Variants in USP40 observed in about 807,000 individuals in gnomAD.
USP40 encodes ubiquitin specific peptidase 40, also known as ubiquitin carboxyl-terminal hydrolase 40.
USP40 carries 143 observed loss-of-function variants against 166.2 expected under a neutral mutation model. The ratio of observed to expected loss-of-function variants is 0.86; its 90% confidence interval spans 0.75 to 0.99. USP40 has a LOEUF of 0.99. USP40 is among the 50% of genes least tolerant of loss of function. USP40 has a pLI of 0.00. For missense variants in USP40, 1,444 were observed against 1,479.7 expected, an observed-to-expected ratio of 0.98 and a Z score of 0.40; for synonymous variants, 498 against 524.0, an observed-to-expected ratio of 0.95 and a Z score of 0.68.
At position 233,521,019 on chromosome 2, in the gene USP40, T is replaced by C; in HGVS notation, c.2297A>G (p.Gln766Arg). The C allele has an allele frequency of 6.2e-7, 1 of 1,613,500 alleles. No homozygotes were observed. Among genetic ancestry groups the C allele is most frequent in the Middle Eastern group, 1.7e-4 (1 of 6,010 alleles). The change falls in exon 17 of 32, where the codon CAA (glutamine) becomes CGA (arginine). Residue 766 changes from glutamine (Q) to arginine (R), a missense_variant. Coordinates refer to ENST00000678225, the MANE Select transcript of USP40 (RefSeq NM_001365479.2). ...GTTAACAGTTGCTGATATTTTAACT[T>C]GCTTCTCTTCAGATTCTAACTGGCA... Reference protein sequence around the residue: ...NLCQLESEEKQVKISATVNTM... With the variant: ...NLCQLESEEKRVKISATVNTM...
At chr2:233,517,285 A>G (rs1458762609) in intron 18 of USP40, among the ~76,000 whole-genome samples, 2 of 152,220 alleles carry the variant, frequency 1.3e-5, no homozygotes, top group African/African-American at 4.8e-5. Flanking sequence ...AAGAACTAAA[A>G]GTAGAACTAC....
chr2:233,524,498 C>A lies in USP40; in HGVS notation c.1875G>T (p.Gly625=). The part of the protein sequence containing the change: ...ADGEDIFVWN[G]VEVGGVHIQT... Reference sequence around the variant, plus strand: ...CTTCAGTAATTTTTTTTACCTCCACCCCATTCCACACAAAGATGTCTTCCC... The same window carrying A: ...CTTCAGTAATTTTTTTTACCTCCACACCATTCCACACAAAGATGTCTTCCC... Residue 625 remains glycine (G), a synonymous_variant, in exon 15 of 32, where the codon GGG becomes GGT. Transcript: ENST00000678225. The A allele has an allele frequency of 6.2e-7, 1 of 1,606,092 alleles. No homozygotes were observed. Among genetic ancestry groups the A allele is most frequent in the Non-Finnish European group, 8.5e-7 (1 of 1,176,846 alleles).
chr2:233,479,158 C>T (rs2064372373), intron 31 of USP40, among the ~76,000 whole-genome samples: 1 of 152,154 alleles, frequency 6.6e-6, no homozygotes. Context: ...AATGGAGCTC[C>T]CAGGGCCTGG....
At position 233,485,862 on chromosome 2, in the gene USP40, G is replaced by T; in HGVS notation, c.3313C>A (p.Gln1105Lys). Reference protein sequence around the residue: ...AQGGTAGSLRQRVADFYRLPV... With the variant: ...AQGGTAGSLRKRVADFYRLPV... ...AGACGATAGAAATCGGCAACTCTCT[G>T]CCTCAGGGAGCCGGCAGTCCCACCC... The change falls in exon 29 of 32, where the codon CAG becomes AAG. Residue 1105 changes from glutamine to lysine, a missense_variant. Transcript: ENST00000678225. 6.2e-7 allele frequency: 1 copy of T among 1,608,620 alleles called. No individual in the cohort carries two copies. Among genetic ancestry groups the T allele is most frequent in the Non-Finnish European group, 8.5e-7 (1 of 1,177,810 alleles).
chr2:233,505,467 CAAAT>C (rs1032625189), intron 21 of USP40, among the ~76,000 whole-genome samples: 7 of 152,040 alleles, frequency 4.6e-5, no homozygotes, highest in South Asian at 2.1e-4. Flanking sequence ...AGTGAAGACT[CAAAT>C]AAAGTCAGAG....
intron 10 of USP40, among the ~76,000 whole-genome samples, chr2:233,539,804 T>C (rs1252113133): frequency 6.6e-6 from 1 of 151,360 alleles, no homozygotes; most frequent in Admixed American, 6.6e-5. Flanking sequence ...ATCAGTGAAA[T>C]AGAAAATAGA....
At chr2:233,495,160 G>A (rs1335534982) in intron 24 of USP40, among the ~76,000 whole-genome samples, 1 of 151,070 alleles carries the variant, frequency 6.6e-6, no homozygotes, top group Admixed American at 6.6e-5. Flanking sequence ...GAATGAGATA[G>A]CTTCACAGCA....
intron 18 of USP40, among the ~76,000 whole-genome samples, chr2:233,519,102 G>A (rs761024253): frequency 6.6e-6 from 1 of 152,146 alleles, no homozygotes; most frequent in Non-Finnish European, 1.5e-5. Context: ...GGTTGCCAGG[G>A]GCTTGGAATA....
In USP40 at chr2:233,493,692, T is replaced by C. The variant is rs2065492432; in HGVS notation, c.2791-141A>G. 6 of 1,081,106 alleles carry C rather than the reference T, an allele frequency of 5.5e-6. No individual in the cohort carries two copies. Among genetic ancestry groups the C allele is most frequent in the Non-Finnish European group, 7.6e-6 (6 of 790,276 alleles). The allele number at this position is 1,081,106 out of a possible 1,614,324, so 67.0% of individuals were successfully genotyped here. A position where few individuals can be genotyped will look rare whatever the true frequency, so the allele number is the denominator to read the frequency against. ...TTCCTTTTAGATTTATTAACTGTCA[T>C]AAATTATACTTGTTTTTACAATCAA... On this transcript the variant is annotated intron_variant, in intron 24 of 31. Coordinates refer to ENST00000678225, the MANE Select transcript of USP40 (RefSeq NM_001365479.2). The surrounding 1 kb of genome is among the most constrained non-coding windows in gnomAD (Gnocchi z 4.7).
In USP40 at chr2:233,480,528, C is replaced by T. The variant is rs2064506786; in HGVS notation, c.3599+675G>A. Among the ~76,000 whole-genome samples the T allele has an allele frequency of 6.6e-6, 1 of 152,264 alleles. No homozygotes were observed. Among genetic ancestry groups the T allele is most frequent in the Non-Finnish European group, 1.5e-5 (1 of 68,054 alleles). ...GGCCTGGAGGCCTGAAGACAGCCGG[C>T]TGGGCACAGAGCCTGTGGCTTGGCC... On this transcript the variant is annotated intron_variant, in intron 31 of 31. Coordinates refer to ENST00000678225, the MANE Select transcript of USP40 (RefSeq NM_001365479.2). This position sits in a 1 kb window ranked among gnomAD's most constrained non-coding sequence, Gnocchi z 4.5.
At position 233,527,630 on chromosome 2, in the gene USP40, G is replaced by T. The variant is rs978059112; in HGVS notation, c.1554-52C>A. ...ATACTGTGTTTTTATAACAGACACT[G>T]TGTTTTATCTCAAACCAAAGATATC... On this transcript the variant is annotated intron_variant, in intron 12 of 31. Coordinates refer to ENST00000678225, the MANE Select transcript of USP40 (RefSeq NM_001365479.2). The T allele has an allele frequency of 4.2e-6, 6 of 1,437,614 alleles. No individual in the cohort carries two copies. The African/African-American group carries it at 8.6e-5, about 21-fold the overall frequency. 89.1% of individuals were successfully genotyped at this position (1,437,614 alleles called of 1,614,324 possible). A position where few individuals can be genotyped will look rare whatever the true frequency, so the allele number is the denominator to read the frequency against.
At chr2:233,519,145 G>T (rs1004389777) in intron 18 of USP40, among the ~76,000 whole-genome samples, 1 of 152,192 alleles carries the variant, frequency 6.6e-6, no homozygotes, top group Admixed American at 6.5e-5. Context: ...TGGAGTAATG[G>T]AAGTATTCTA....
intron 25 of USP40, among the ~76,000 whole-genome samples, chr2:233,492,114 T>C (rs188207951): frequency 1.3e-5 from 2 of 152,270 alleles, no homozygotes; most frequent in African/African-American, 4.8e-5. Flanking sequence ...ACATGTGATG[T>C]GATCCTATAA....
chr2:233,489,751 T>C (rs1349879583), intron 26 of USP40: 2 of 339,014 alleles, frequency 5.9e-6, no homozygotes, highest in Non-Finnish European at 1.1e-5. Flanking sequence ...AAGCTTCTTT[T>C]TAATCATCAT....
intron 4 of USP40, among the ~76,000 whole-genome samples, chr2:233,558,901 T>C (rs2071334323): frequency 1.3e-5 from 2 of 152,236 alleles, no homozygotes. Flanking sequence ...TGCTTGAAAG[T>C]CCATGCCTTA....
rs529817751 is a variant in USP40, at chr2:233,477,624, G to A, written c.3600-121C>T. On this transcript the variant is annotated intron_variant, in intron 31 of 31. Coordinates refer to ENST00000678225, the MANE Select transcript of USP40 (RefSeq NM_001365479.2). The stretch of plus-strand genomic sequence containing the variant: ...GCCACAAGGACGTGCATTTGCAATT[G>A]CACAGACAGATCTCAGCCACCTGCC... 5 of 844,174 alleles carry A rather than the reference G, an allele frequency of 5.9e-6. 1 individual carries two copies. The highest frequency in any genetic ancestry group is 3.4e-5 in the African/African-American group (2 of 59,286). 52.3% of individuals were successfully genotyped at this position (844,174 alleles called of 1,614,324 possible). A position where few individuals can be genotyped will look rare whatever the true frequency, so the allele number is the denominator to read the frequency against.
chr2:233,524,539 T>C lies in USP40; in HGVS notation c.1834A>G (p.Thr612Ala). The part of the protein sequence containing the change: ...LGGDELTLCE[T>A]EIADGEDIFV... ...ATGTCTTCCCCATCAGCAATTTCAG[T>C]TTCACACAGTGTCAGTTCATCCCCT... Residue 612 changes from threonine (T) to alanine (A), a missense_variant, in exon 15 of 32, where the codon ACT (threonine) becomes GCT (alanine). By Grantham distance (58) the Thr-to-Ala change is moderately conservative (BLOSUM62 0). Coordinates refer to ENST00000678225, the MANE Select transcript of USP40 (RefSeq NM_001365479.2). The C allele has an allele frequency of 6.2e-7, 1 of 1,606,168 alleles. No homozygotes were observed. The highest frequency in any genetic ancestry group is 8.5e-7 in the Non-Finnish European group (1 of 1,176,900).
chr2:233,479,441 T>C (rs1255568880), intron 31 of USP40, among the ~76,000 whole-genome samples: 2 of 151,948 alleles, frequency 1.3e-5, no homozygotes, highest in Admixed American at 1.3e-4. Context: ...TGCACGCCTG[T>C]AGTACCAGCT....
intron 20 of USP40, 82 bp from the exon 21 acceptor site, chr2:233,510,217 A>G: frequency 1.9e-6 from 2 of 1,053,346 alleles, no homozygotes; most frequent in Non-Finnish European, 2.8e-6. Context: ...TCAAAAATGT[A>G]AAGCCAAGGG....
Sources: allele counts gnomAD v4.1 joint callset (sites outside exome capture counted in the v4.1 genomes callset), GRCh38; gene constraint gnomAD v4.1.1; non-coding constraint Gnocchi (gnomAD v3.1); transcripts MANE v1.5; gene names NCBI Gene and HGNC (gene_info 2026-07-23, HGNC 2026-07-21).